TDRD9: variants seen among roughly 807,000 people sequenced by gnomAD.
TDRD9 encodes tudor domain containing 9, also known as ATP-dependent RNA helicase TDRD9.
Under a neutral mutation model 172.6 loss-of-function variants are expected in TDRD9, and 124 were observed. That is an observed-to-expected ratio of 0.72 (90% CI 0.62 to 0.83). The LOEUF is 0.83. Ranked by LOEUF, TDRD9 falls within the 40% of genes least tolerant of loss-of-function variation. The pLI, the probability that TDRD9 is intolerant of heterozygous loss-of-function variation, is 0.00. For synonymous variants in TDRD9, 619 were observed against 617.1 expected (o/e 1.00, Z -0.05); for missense variants, 1,479 against 1,714.1 (o/e 0.86, Z 2.42).
intron 22 of TDRD9, among the ~76,000 whole-genome samples, chr14:104,016,626 T>A (rs1258276567): frequency 1.3e-5 from 2 of 152,162 alleles, no homozygotes; most frequent in African/African-American, 4.8e-5. Context: ...ACTTTGGGCA[T>A]ATCTAATGAT....
intron 7 of TDRD9, 124 bp downstream of exon 7, chr14:103,975,677 A>G: frequency 4.3e-6 from 4 of 932,340 alleles, no homozygotes; most frequent in Non-Finnish European, 6.2e-6. Flanking sequence ...GATGCATACT[A>G]AGTGTACATA....
At chr14:103,938,969 T>G (rs1452904313) in intron 1 of TDRD9, among the ~76,000 whole-genome samples, 2 of 152,244 alleles carry the variant, frequency 1.3e-5, no homozygotes, top group African/African-American at 2.4e-5. Flanking sequence ...ACTCAAAACT[T>G]AATATATTTT....
chr14:104,008,273 G>C (rs1040107703), intron 19 of TDRD9, 140 bp from the exon 20 acceptor site: 1 of 582,110 alleles, frequency 1.7e-6, no homozygotes, highest in African/African-American at 1.9e-5. Context: ...TACCTGGAGA[G>C]GGAGTGCCAC....
intron 6 of TDRD9, among the ~76,000 whole-genome samples, chr14:103,973,650 C>T (rs1056882521): frequency 6.6e-6 from 1 of 152,232 alleles, no homozygotes; most frequent in African/African-American, 2.4e-5. Context: ...TTGCAGGCTG[C>T]ACTCTGTGTC....
chr14:103,965,510 A>G lies in TDRD9; in HGVS notation c.598A>G (p.Ser200Gly). ...GGCAAGCAGCATCGCCAGGTGGATCAGTAAAGAGCGTGCCTGGACCCTGGG... is the reference window on the plus strand; with the variant it reads ...GGCAAGCAGCATCGCCAGGTGGATCGGTAAAGAGCGTGCCTGGACCCTGGG... ...IGASSIARWI[S>G]KERAWTLGGV... Residue 200 changes from serine (S) to glycine (G), a missense_variant, in exon 4 of 36, where the codon AGT becomes GGT. Physicochemically the swap from Ser to Gly is moderately conservative, Grantham distance 56. Around this residue, in one of 3 missense-constraint regions of TDRD9, gnomAD observed 1,413 missense variants for 1,649.1 expected, o/e 0.86. Transcript: ENST00000409874. 1.4e-6 allele frequency: 2 copies of G among 1,432,838 alleles called. No homozygotes were observed. Among genetic ancestry groups the G allele is most frequent in the Non-Finnish European group, 1.9e-6 (2 of 1,070,652 alleles). The allele number at this position is 1,432,838 out of a possible 1,614,324, so 88.8% of individuals were successfully genotyped here.
chr14:104,001,677 C>T (rs150526957), intron 13 of TDRD9, among the ~76,000 whole-genome samples: 3,033 of 152,238 alleles, frequency 0.02, 39 homozygotes, highest in Non-Finnish European at 0.031. Context: ...GACGTGATCT[C>T]GGCTCACTGC....
chr14:103,937,224 G>A (rs777940737), intron 1 of TDRD9, among the ~76,000 whole-genome samples: 27 of 152,282 alleles, frequency 1.8e-4, no homozygotes, highest in Middle Eastern at 6.8e-3. Context: ...TAGGCTTGGC[G>A]AGCGTTCCTC....
intron 1 of TDRD9, among the ~76,000 whole-genome samples, chr14:103,936,904 C>T (rs768370374): frequency 2.0e-5 from 3 of 152,126 alleles, no homozygotes; most frequent in Admixed American, 6.6e-5. Flanking sequence ...CTAGCCTGGG[C>T]AACATAGGGA....
intron 6 of TDRD9, among the ~76,000 whole-genome samples, chr14:103,973,819 T>C (rs1426874672): frequency 6.6e-6 from 1 of 152,234 alleles, no homozygotes; most frequent in Admixed American, 6.5e-5. Context: ...GTCTGTACAG[T>C]TTTTACCATT....
rs545942924 is a variant in TDRD9, at chr14:103,947,834, AC to A, written c.216-7828del. 1.3e-4 allele frequency among the ~76,000 whole-genome samples: 20 copies of A among 152,340 alleles called. No homozygotes were observed. In the South Asian group the frequency reaches 3.9e-3, roughly 30 times the overall value. On this transcript the variant is annotated intron_variant, in intron 1 of 35. Coordinates refer to ENST00000409874, the MANE Select transcript of TDRD9 (RefSeq NM_153046.3). ...GTGGCAATAATTTCTTGGATATGAC[AC>A]CAAAGGCACAGGCAACAAAAGAAGA...
At chr14:104,013,088 T>A (rs1330386011) in intron 20 of TDRD9, among the ~76,000 whole-genome samples, 1 of 152,216 alleles carries the variant, frequency 6.6e-6, no homozygotes, top group African/African-American at 2.4e-5. Flanking sequence ...TGTCCCAGGC[T>A]TTTCCTCCCT....
rs554788528 is a variant in TDRD9, at chr14:103,961,488, A to G, written c.323-1591A>G. Among the ~76,000 whole-genome samples, 504 of 151,856 alleles carry G rather than the reference A, an allele frequency of 3.3e-3. 1 individual carries two copies. The highest frequency in any genetic ancestry group is 4.8e-3 in the Non-Finnish European group (323 of 67,904). On this transcript the variant is annotated intron_variant, in intron 2 of 35. Transcript: ENST00000409874. ...TGAGGGAGGAGAATCGCTTGAACCC[A>G]GGAGGCAGAGGTTGCAGTGAGCCGA...
At chr14:103,988,775 C>T (rs984767634) in intron 8 of TDRD9, among the ~76,000 whole-genome samples, 24 of 151,356 alleles carry the variant, frequency 1.6e-4, no homozygotes, top group African/African-American at 5.8e-4. Context: ...TCACAGCAGC[C>T]TCGACCTCAT....
intron 3 of TDRD9, among the ~76,000 whole-genome samples, chr14:103,964,034 GA>G (rs1249123085): frequency 6.6e-6 from 1 of 152,130 alleles, no homozygotes; most frequent in African/African-American, 2.4e-5. Flanking sequence ...TTGAGGCCAG[GA>G]GTTCCAGACC....
chr14:103,948,178 A>AT (rs201409204), intron 1 of TDRD9, among the ~76,000 whole-genome samples: 3,511 of 145,574 alleles, frequency 0.024, 112 homozygotes, highest in African/African-American at 0.071. Context: ...CGTGCCTGCT[A>AT]TTTTTTTTTT....
chr14:104,049,929 GAAAAAA>G (rs2140942602), intron 35 of TDRD9: 1 of 448,456 alleles, frequency 2.2e-6, no homozygotes, highest in Non-Finnish European at 4.0e-6. Context: ...TGTGAGTTGG[GAAAAAA>G]AGGTATGAGG....
chr14:104,048,825 A>G (rs553460146), intron 34 of TDRD9, among the ~76,000 whole-genome samples: 1 of 151,988 alleles, frequency 6.6e-6, no homozygotes, highest in Admixed American at 6.5e-5. Flanking sequence ...TGTTTCCTTC[A>G]TTGCTGTTTT....
In TDRD9 at chr14:104,026,790, A is replaced by C. The variant is rs1032191747; in HGVS notation, c.3133A>C (p.Thr1045Pro). ...GTTCGCCTCTCTGGTGAGCGGCTGC[A>C]CCCTCCTTGTGAAGGTCTTCTCTGT... Reference protein sequence around the residue: ...QWFASLVSGCTLLVKVFSVVH... With the variant: ...QWFASLVSGCPLLVKVFSVVH... Residue 1045 changes from threonine to proline, a missense_variant, in exon 28 of 36, where the codon ACC becomes CCC. Thr to Pro is a conservative substitution (Grantham distance 38). Transcript: ENST00000409874. 1.9e-6 allele frequency: 3 copies of C among 1,613,370 alleles called. No individual in the cohort carries two copies. In the African/African-American group the frequency reaches 4.0e-5, roughly 22 times the overall value.
intron 8 of TDRD9, among the ~76,000 whole-genome samples, chr14:103,990,889 A>G (rs1164042552): frequency 7.2e-5 from 11 of 152,238 alleles, no homozygotes; most frequent in Admixed American, 7.2e-4. Flanking sequence ...GATTACAATA[A>G]CTAAATTTCA....
Sources: allele counts gnomAD v4.1 joint callset (sites outside exome capture counted in the v4.1 genomes callset), GRCh38; gene constraint gnomAD v4.1.1; regional missense constraint gnomAD v4.1.1; transcripts MANE v1.5; gene names NCBI Gene and HGNC (gene_info 2026-07-23, HGNC 2026-07-21).